Variants in CNTN5 observed in about 807,000 individuals in gnomAD.
The protein encoded by CNTN5 is contactin-5.
Under a neutral mutation model 129.1 loss-of-function variants are expected in CNTN5, and 77 were observed. The ratio of observed to expected loss-of-function variants is 0.60; its 90% confidence interval spans 0.50 to 0.72. CNTN5 has a LOEUF of 0.72. Among genes scored for constraint, CNTN5 ranks in the 30% least tolerant of loss-of-function variants. CNTN5 has a pLI of 0.00. For synonymous variants in CNTN5, 509 were observed against 465.6 expected, an observed-to-expected ratio of 1.09 and a Z score of -1.20; for missense variants, 1,478 against 1,328.8, an observed-to-expected ratio of 1.11 and a Z score of -1.75.
intron 1 of CNTN5, among the ~76,000 whole-genome samples, chr11:99,084,348 A>G (rs1865915548): frequency 6.6e-6 from 1 of 152,140 alleles, no homozygotes; most frequent in Admixed American, 6.5e-5. Context: ...TGTATTAGAA[A>G]TCCTATTTGG....
At chr11:99,271,291 G>A (rs553277714) in intron 1 of CNTN5, among the ~76,000 whole-genome samples, 1 of 151,822 alleles carries the variant, frequency 6.6e-6, no homozygotes, top group Admixed American at 6.6e-5. Context: ...TGAAAAACAC[G>A]CACGGTAATT....
At chr11:99,237,685 G>GA (rs140750722) in intron 1 of CNTN5, among the ~76,000 whole-genome samples, 11,083 of 141,274 alleles carry the variant, frequency 0.078, 604 homozygotes, top group East Asian at 0.23. Context: ...GTCTCAAAAA[G>GA]AAAAAAAAAA....
At chr11:99,488,887 T>G (rs1283168262) in intron 2 of CNTN5, among the ~76,000 whole-genome samples, 1 of 151,998 alleles carries the variant, frequency 6.6e-6, no homozygotes, top group Non-Finnish European at 1.5e-5. Flanking sequence ...AAAGTGAGCA[T>G]TGTTCTGAAT....
intron 21 of CNTN5, among the ~76,000 whole-genome samples, chr11:100,310,970 A>C (rs1029807559): frequency 6.6e-6 from 1 of 151,954 alleles, no homozygotes; most frequent in African/African-American, 2.4e-5. Flanking sequence ...CCATAGAAAG[A>C]AGTTCAGATT....
intron 1 of CNTN5, among the ~76,000 whole-genome samples, chr11:99,179,076 A>G (rs922696235): frequency 1.3e-5 from 2 of 152,222 alleles, no homozygotes; most frequent in African/African-American, 4.8e-5. Context: ...ATTAAGCATT[A>G]TATACCTTCA....
Position 99,724,593 on chromosome 11 carries a change from G to A in CNTN5, c.56-94951G>A, listed in dbSNP as rs542013813. ...ATTTAGAATGAGAAAGCGAAGAACA[G>A]AAAACTTGTCAAAGTCACACAGTTA... On this transcript the variant is annotated intron_variant, in intron 3 of 24. Coordinates refer to ENST00000524871, the MANE Select transcript of CNTN5 (RefSeq NM_014361.4). Among the ~76,000 whole-genome samples the A allele has an allele frequency of 1.6e-4, 24 of 152,264 alleles. 1 individual carries two copies. The South Asian group carries it at 5.0e-3, about 32-fold the overall frequency.
chr11:99,999,189 C>A (rs1939679159), intron 8 of CNTN5, among the ~76,000 whole-genome samples: 1 of 151,930 alleles, frequency 6.6e-6, no homozygotes, highest in Non-Finnish European at 1.5e-5. Context: ...TTCTGCACAG[C>A]AAAAGAAACT....
chr11:100,153,387 C>A (rs1016990500), intron 13 of CNTN5, among the ~76,000 whole-genome samples: 1 of 152,010 alleles, frequency 6.6e-6, no homozygotes, highest in Admixed American at 6.6e-5. Flanking sequence ...TATGTGATGT[C>A]TCTGATAATA....
At chr11:99,633,921 G>A (rs1392665866) in intron 3 of CNTN5, among the ~76,000 whole-genome samples, 4 of 152,182 alleles carry the variant, frequency 2.6e-5, no homozygotes, top group Non-Finnish European at 5.9e-5. Flanking sequence ...TACAGGACAC[G>A]TGTGCCAGCG....
chr11:99,344,252 A>G (rs899511884), intron 2 of CNTN5, among the ~76,000 whole-genome samples: 3 of 152,186 alleles, frequency 2.0e-5, no homozygotes, highest in Admixed American at 6.6e-5. Context: ...TGTATTTTCA[A>G]AAACCTTTTA....
intron 2 of CNTN5, among the ~76,000 whole-genome samples, chr11:99,513,733 GA>G (rs34798386): frequency 2.7e-5 from 4 of 150,058 alleles, no homozygotes; most frequent in African/African-American, 4.9e-5. Flanking sequence ...AATGCTCAGA[GA>G]AAAAAAAAAG....
At chr11:100,176,666 A>G (rs1183711809) in intron 13 of CNTN5, among the ~76,000 whole-genome samples, 1 of 152,100 alleles carries the variant, frequency 6.6e-6, no homozygotes, top group African/African-American at 2.4e-5. Context: ...GGTCTTACAT[A>G]ACTAGAATAA....
At position 99,791,368 on chromosome 11, in the gene CNTN5, C is replaced by T. The variant is rs78725920; in HGVS notation, c.56-28176C>T. 0.011 allele frequency among the ~76,000 whole-genome samples: 1,682 copies of T among 152,198 alleles called. 71 individuals carry two copies. The East Asian group carries it at 0.13, about 12-fold the overall frequency. ...GTTTTGACCTTCTGCATATGGCTAG[C>T]AGGTTATTCCAACATCATTTATTGA... On this transcript the variant is annotated intron_variant, in intron 3 of 24. Transcript: ENST00000524871.
At chr11:99,225,220 T>G (rs1860616944) in intron 1 of CNTN5, among the ~76,000 whole-genome samples, 1 of 151,950 alleles carries the variant, frequency 6.6e-6, no homozygotes, top group Non-Finnish European at 1.5e-5. Context: ...AATAGAAAGG[T>G]AGGCAGAAAA....
chr11:100,143,792 G>A (rs780482994), intron 13 of CNTN5, among the ~76,000 whole-genome samples: 4 of 152,218 alleles, frequency 2.6e-5, no homozygotes, highest in South Asian at 2.1e-4. Context: ...GAGCTTTCAC[G>A]GGAAAGGGAC....
At chr11:99,886,789 C>A (rs1194105803) in intron 6 of CNTN5, among the ~76,000 whole-genome samples, 3 of 152,138 alleles carry the variant, frequency 2.0e-5, no homozygotes, top group Non-Finnish European at 4.4e-5. Context: ...GCATGAAGAA[C>A]CCTTAAACAT....
At chr11:99,105,388 CATG>C (rs1159107531) in intron 1 of CNTN5, among the ~76,000 whole-genome samples, 1 of 152,124 alleles carries the variant, frequency 6.6e-6, no homozygotes, top group Non-Finnish European at 1.5e-5. Context: ...ATGTCCTGGA[CATG>C]ATAAGTGAGC....
At chr11:99,089,675 A>G (rs1398235146) in intron 1 of CNTN5, among the ~76,000 whole-genome samples, 1 of 152,238 alleles carries the variant, frequency 6.6e-6, no homozygotes, top group African/African-American at 2.4e-5. Context: ...CATTAGAAAT[A>G]CATTGGTAAT....
At chr11:99,320,227 G>A (rs1865513032) in intron 1 of CNTN5, among the ~76,000 whole-genome samples, 1 of 152,158 alleles carries the variant, frequency 6.6e-6, no homozygotes, top group Non-Finnish European at 1.5e-5. Flanking sequence ...GGGCAACAGA[G>A]CAAGACTCCT....
Sources: allele counts gnomAD v4.1 joint callset (sites outside exome capture counted in the v4.1 genomes callset), GRCh38; gene constraint gnomAD v4.1.1; transcripts MANE v1.5; gene names NCBI Gene and HGNC (gene_info 2026-07-23, HGNC 2026-07-21).